SGCZ: variants seen among roughly 807,000 people sequenced by gnomAD.
The protein encoded by SGCZ is zeta-sarcoglycan.
SGCZ carries 40 observed loss-of-function variants against 41.3 expected under a neutral mutation model. The ratio of observed to expected loss-of-function variants is 0.97; its 90% confidence interval spans 0.75 to 1.26. SGCZ has a LOEUF of 1.26. Among genes scored for constraint, SGCZ ranks in the 50% most tolerant of loss-of-function variants. The pLI is 0.00. For missense variants in SGCZ, 552 were observed against 369.8 expected, an observed-to-expected ratio of 1.49 and a Z score of -4.04; for synonymous variants, 206 against 137.5, an observed-to-expected ratio of 1.50 and a Z score of -3.49.
intron 1 of SGCZ, among the ~76,000 whole-genome samples, chr8:15,225,537 A>G (rs866474511): frequency 3.2e-4 from 49 of 152,220 alleles, no homozygotes; most frequent in African/African-American, 1.2e-3. Context: ...CATAATGAAA[A>G]GTACAAAAGA....
At chr8:14,805,491 A>G (rs1199548391) in intron 1 of SGCZ, among the ~76,000 whole-genome samples, 1 of 136,812 alleles carries the variant, frequency 7.3e-6, no homozygotes, top group Non-Finnish European at 1.6e-5. Flanking sequence ...GAAGGCCATT[A>G]CATAATGGTA....
chr8:14,908,387 G>C (rs1799181457), intron 1 of SGCZ, among the ~76,000 whole-genome samples: 2 of 152,136 alleles, frequency 1.3e-5, no homozygotes, highest in East Asian at 1.9e-4. Context: ...GTCTCCATGA[G>C]ACTGTATTCT....
In SGCZ at chr8:14,748,035, T is replaced by TAATGAC; in HGVS notation, c.40-193115_40-193110dup. Among the ~76,000 whole-genome samples the TAATGAC allele has an allele frequency of 2.0e-5, 3 of 152,144 alleles. No homozygotes were observed. In the Middle Eastern group the frequency reaches 0.01, roughly 517 times the overall value. Reference sequence around the variant, plus strand: ...ATAATCATGTTTTTAAAATGAAAACTAATGACAAAGACTTCCCATGACTCT... The same window carrying TAATGAC: ...ATAATCATGTTTTTAAAATGAAAACTAATGACAATGACAAAGACTTCCCATGACTCT... On this transcript the variant is annotated intron_variant, in intron 1 of 7. Transcript: ENST00000382080.
intron 1 of SGCZ, among the ~76,000 whole-genome samples, chr8:14,590,853 TA>T (rs1352325683): frequency 6.7e-6 from 1 of 148,490 alleles, no homozygotes; most frequent in African/African-American, 2.4e-5. Flanking sequence ...TTATGAATAA[TA>T]TGTCATATAT....
At chr8:14,260,547 C>T (rs962691114) in intron 3 of SGCZ, among the ~76,000 whole-genome samples, 2 of 148,002 alleles carry the variant, frequency 1.4e-5, no homozygotes, top group African/African-American at 5.0e-5. Context: ...GGCGATTCCT[C>T]AGGGATCTAG....
intron 2 of SGCZ, among the ~76,000 whole-genome samples, chr8:14,415,808 C>G (rs1381417): frequency 0.11 from 17,401 of 151,876 alleles, 2,019 homozygotes; most frequent in African/African-American, 0.3. Flanking sequence ...TTGGCTCACA[C>G]TACATATTAC....
chr8:14,952,253 G>A (rs150133298), intron 1 of SGCZ, among the ~76,000 whole-genome samples: 1 of 151,910 alleles, frequency 6.6e-6, no homozygotes, highest in Non-Finnish European at 1.5e-5. Context: ...GCATCTCTTG[G>A]CTTACAGGTT....
chr8:14,133,105 T>C (rs1803091345), intron 5 of SGCZ, among the ~76,000 whole-genome samples: 1 of 152,178 alleles, frequency 6.6e-6, no homozygotes, highest in East Asian at 1.9e-4. Flanking sequence ...CTTTCAACAC[T>C]TAGCCAGGGG....
chr8:14,872,808 CT>C (rs1804209623), intron 1 of SGCZ, among the ~76,000 whole-genome samples: 1 of 152,048 alleles, frequency 6.6e-6, no homozygotes, highest in African/African-American at 2.4e-5. Context: ...TTTTATTCAT[CT>C]TTTTATCTAC....
At chr8:14,813,758 C>T (rs969600523) in intron 1 of SGCZ, among the ~76,000 whole-genome samples, 21 of 152,068 alleles carry the variant, frequency 1.4e-4, no homozygotes, top group Non-Finnish European at 2.5e-4. Flanking sequence ...TCAAGACCAA[C>T]GTGGCCAACA....
At chr8:15,157,664 A>AAACAACACACTT (rs1269877907) in intron 1 of SGCZ, among the ~76,000 whole-genome samples, 5 of 152,008 alleles carry the variant, frequency 3.3e-5, no homozygotes, top group Non-Finnish European at 7.4e-5. Flanking sequence ...TCTTCCTCCA[A>AAACAACACACTT]AACAACACAC....
chr8:14,657,929 C>T (rs1807627281), intron 1 of SGCZ, among the ~76,000 whole-genome samples: 1 of 152,122 alleles, frequency 6.6e-6, no homozygotes, highest in South Asian at 2.1e-4. Context: ...ATTATTTACT[C>T]CTTACCTTCT....
rs148396193 is a variant in SGCZ, at chr8:14,654,635, G to C, written c.40-99709C>G. The stretch of plus-strand genomic sequence containing the variant: ...CGCCCAGGCTGGAATGCAATGGCGT[G>C]ATCTCGGCTCACTGAAACTACTGCT... On this transcript the variant is annotated intron_variant, in intron 1 of 7. Coordinates refer to ENST00000382080, the MANE Select transcript of SGCZ (RefSeq NM_139167.4). Among the ~76,000 whole-genome samples, 1,427 of 151,956 alleles carry C rather than the reference G, an allele frequency of 9.4e-3. 27 individuals carry two copies. Among genetic ancestry groups the C allele is most frequent in the African/African-American group, 0.033 (1,363 of 41,444 alleles).
chr8:14,428,219 A>G (rs1799844431), intron 2 of SGCZ, among the ~76,000 whole-genome samples: 1 of 151,894 alleles, frequency 6.6e-6, no homozygotes. Flanking sequence ...CCTATATTAT[A>G]TATACTATTC....
At chr8:14,154,934 T>C (rs1344522654) in intron 5 of SGCZ, among the ~76,000 whole-genome samples, 1 of 152,182 alleles carries the variant, frequency 6.6e-6, no homozygotes, top group Non-Finnish European at 1.5e-5. Context: ...TTCTGAGCTG[T>C]CTCAGCTGTC....
chr8:14,901,912 T>C (rs1198331205), intron 1 of SGCZ, among the ~76,000 whole-genome samples: 3 of 152,114 alleles, frequency 2.0e-5, no homozygotes, highest in Non-Finnish European at 2.9e-5. Context: ...AGAAATTGAT[T>C]CTTGTTTACA....
At chr8:14,820,298 C>A (rs1448220217) in intron 1 of SGCZ, among the ~76,000 whole-genome samples, 1 of 151,860 alleles carries the variant, frequency 6.6e-6, no homozygotes. Flanking sequence ...GGGATCAATT[C>A]AATAAGAGTA....
At chr8:14,546,348 T>A (rs985398154) in intron 2 of SGCZ, among the ~76,000 whole-genome samples, 4 of 152,180 alleles carry the variant, frequency 2.6e-5, no homozygotes, top group Non-Finnish European at 2.9e-5. Context: ...AACTACGGGC[T>A]TAAATCACCT....
intron 1 of SGCZ, among the ~76,000 whole-genome samples, chr8:14,779,043 C>T (rs1005125235): frequency 3.9e-5 from 6 of 152,156 alleles, no homozygotes; most frequent in African/African-American, 1.4e-4. Flanking sequence ...GTACTGTTAA[C>T]AACAGCAAAA....
Sources: allele counts gnomAD v4.1 joint callset (sites outside exome capture counted in the v4.1 genomes callset), GRCh38; gene constraint gnomAD v4.1.1; transcripts MANE v1.5; gene names NCBI Gene and HGNC (gene_info 2026-07-23, HGNC 2026-07-21).